Variants in ERC2 observed in about 807,000 individuals in gnomAD.
ERC2 encodes the protein ERC protein 2.
ERC2 carries 42 observed loss-of-function variants against 114.8 expected under a neutral mutation model. The observed-to-expected ratio is 0.37, with a 90% CI of 0.29 to 0.47. The LOEUF is 0.47. ERC2 is among the 20% of genes least tolerant of loss of function. The pLI, the probability that ERC2 is intolerant of heterozygous loss-of-function variation, is 0.99. For synonymous variants in ERC2, 454 were observed against 425.5 expected, an observed-to-expected ratio of 1.07 and a Z score of -0.82; for missense variants, 939 against 1,150.7, an observed-to-expected ratio of 0.82 and a Z score of 2.66.
intron 17 of ERC2, among the ~76,000 whole-genome samples, chr3:55,512,114 T>C (rs945636649): frequency 1.3e-5 from 2 of 152,226 alleles, no homozygotes; most frequent in Non-Finnish European, 2.9e-5. Flanking sequence ...TCACCTTGTA[T>C]ATATATCCTG....
chr3:55,899,482 T>A (rs1412831763), intron 13 of ERC2, among the ~76,000 whole-genome samples: 2 of 152,240 alleles, frequency 1.3e-5, no homozygotes, highest in Admixed American at 1.3e-4. Flanking sequence ...GTTACAAAAA[T>A]TATGGAATAC....
chr3:56,387,901 G>A (rs2059992038), intron 2 of ERC2, among the ~76,000 whole-genome samples: 1 of 152,264 alleles, frequency 6.6e-6, no homozygotes, highest in East Asian at 1.9e-4. Context: ...ATAATGTGGT[G>A]TGTTAGGGAA....
At chr3:56,430,174 C>A (rs996771193) in intron 2 of ERC2, among the ~76,000 whole-genome samples, 2 of 152,106 alleles carry the variant, frequency 1.3e-5, no homozygotes, top group Admixed American at 1.3e-4. Flanking sequence ...TATCTAAATA[C>A]CCCTGAAAGA....
At chr3:55,670,179 C>G (rs2061502885) in intron 17 of ERC2, among the ~76,000 whole-genome samples, 1 of 152,166 alleles carries the variant, frequency 6.6e-6, no homozygotes. Flanking sequence ...AAATATTGTG[C>G]CCAAGGTCAC....
chr3:55,770,228 C>G (rs1000789807), intron 14 of ERC2, among the ~76,000 whole-genome samples: 4 of 152,180 alleles, frequency 2.6e-5, no homozygotes, highest in African/African-American at 9.7e-5. Flanking sequence ...TGACCCATGG[C>G]TGACATGCAA....
At chr3:56,020,220 T>G (rs1040629222) in intron 7 of ERC2, among the ~76,000 whole-genome samples, 1 of 152,154 alleles carries the variant, frequency 6.6e-6, no homozygotes, top group African/African-American at 2.4e-5. Flanking sequence ...ATTTTTTCAA[T>G]GGCCACAATG....
intron 17 of ERC2, among the ~76,000 whole-genome samples, chr3:55,523,062 C>T (rs1469645550): frequency 6.6e-6 from 1 of 152,210 alleles, no homozygotes; most frequent in Middle Eastern, 3.2e-3. Flanking sequence ...GCATCCAGGA[C>T]TGAAGGCTAG....
intron 3 of ERC2, among the ~76,000 whole-genome samples, chr3:56,237,779 G>A (rs530786405): frequency 3.9e-5 from 6 of 151,990 alleles, no homozygotes; most frequent in Admixed American, 6.6e-5. Flanking sequence ...AAGTCACGAC[G>A]TACATGTGAG....
rs747898893 is a variant in ERC2 at position 55,729,737 on chromosome 3, C to G, written c.2712+5034G>C. 7.0e-5 allele frequency among the ~76,000 whole-genome samples: 10 copies of G among 142,742 alleles called. No individual in the cohort carries two copies. In the East Asian group the frequency reaches 1.6e-3, roughly 23 times the overall value. The allele number at this position is 142,742 out of a possible 152,430, so 93.6% of individuals were successfully genotyped here. A position where few individuals can be genotyped will look rare whatever the true frequency, so the allele number is the denominator to read the frequency against. The stretch of plus-strand genomic sequence containing the variant: ...GCTGTAGTCCCAGCTACTGGGGAGG[C>G]TGAGGTGGGAGTATCGCTAGAGCCC... On this transcript the variant is annotated intron_variant, in intron 15 of 17. Transcript: ENST00000288221.
chr3:56,033,080 G>GAAAGAA (rs1553782574), intron 7 of ERC2, among the ~76,000 whole-genome samples: 14 of 125,836 alleles, frequency 1.1e-4, no homozygotes, highest in African/African-American at 3.6e-4. Flanking sequence ...AAGAAAGAAA[G>GAAAGAA]AAAGAAAAGT....
chr3:55,733,521 CTCTCATTCTT>C (rs1217796041), intron 15 of ERC2, among the ~76,000 whole-genome samples: 41 of 76,678 alleles, frequency 5.3e-4, no homozygotes, highest in African/African-American at 1.6e-3. Flanking sequence ...TTCTCTCTGT[CTCTCATTCTT>C]TCTCTCTCTC....
intron 2 of ERC2, among the ~76,000 whole-genome samples, chr3:56,366,326 ACT>A (rs1394327755): frequency 6.6e-6 from 1 of 152,076 alleles, no homozygotes; most frequent in Non-Finnish European, 1.5e-5. Context: ...GCAATAGCAA[ACT>A]CTGAATAAAT....
At chr3:55,650,000 G>A (rs1408391454) in intron 17 of ERC2, among the ~76,000 whole-genome samples, 2 of 152,194 alleles carry the variant, frequency 1.3e-5, no homozygotes, top group Admixed American at 1.3e-4. Flanking sequence ...CCTGAATCCC[G>A]GCTCAGCCCT....
chr3:56,203,482 A>G (rs1320232022), intron 3 of ERC2, among the ~76,000 whole-genome samples: 2 of 152,206 alleles, frequency 1.3e-5, no homozygotes, highest in African/African-American at 4.8e-5. Context: ...CCAATTGTCT[A>G]TAATTTTACA....
intron 14 of ERC2, among the ~76,000 whole-genome samples, chr3:55,821,373 C>T (rs1042994146): frequency 6.6e-6 from 1 of 152,204 alleles, no homozygotes; most frequent in Non-Finnish European, 1.5e-5. Flanking sequence ...CCATCAAACA[C>T]GTGGAAATGA....
intron 17 of ERC2, among the ~76,000 whole-genome samples, chr3:55,558,573 T>C (rs2055782541): frequency 6.6e-6 from 1 of 152,224 alleles, no homozygotes; most frequent in African/African-American, 2.4e-5. Flanking sequence ...CCAGATGCAA[T>C]GCTCTGAAGT....
chr3:56,405,656 T>G (rs1452417422), intron 2 of ERC2, among the ~76,000 whole-genome samples: 1 of 151,978 alleles, frequency 6.6e-6, no homozygotes, highest in South Asian at 2.1e-4. Context: ...GATAGATAGA[T>G]AGACAGATAG....
chr3:55,564,289 T>C (rs535008659), intron 17 of ERC2, among the ~76,000 whole-genome samples: 2 of 152,328 alleles, frequency 1.3e-5, no homozygotes, highest in Admixed American at 1.3e-4. Flanking sequence ...TTGGAGGATA[T>C]AAACTTGGAA....
In ERC2 at chr3:56,139,734, T is replaced by C. The variant is rs972371265; in HGVS notation, c.1306-58A>G. On this transcript the variant is annotated intron_variant, in intron 5 of 17. Transcript: ENST00000288221. Reference sequence around the variant, plus strand: ...GAAATTGCTGCCCCTACACTTTACATTGGACAACTACTGATTTCTCTCCAT... The same window carrying C: ...GAAATTGCTGCCCCTACACTTTACACTGGACAACTACTGATTTCTCTCCAT... The C allele has an allele frequency of 7.0e-5, 105 of 1,501,842 alleles. No individual in the cohort carries two copies. The African/African-American group carries it at 1.2e-3, about 17-fold the overall frequency. 93.0% of individuals were successfully genotyped at this position (1,501,842 alleles called of 1,614,324 possible).
Sources: allele counts gnomAD v4.1 joint callset (sites outside exome capture counted in the v4.1 genomes callset), GRCh38; gene constraint gnomAD v4.1.1; transcripts MANE v1.5; gene names NCBI Gene and HGNC (gene_info 2026-07-23, HGNC 2026-07-21).